SNTG2: variants seen among roughly 807,000 people sequenced by gnomAD.
SNTG2 encodes gamma-2-syntrophin.
In SNTG2, 74 loss-of-function variants were observed where a neutral mutation model predicts 70.9. The observed-to-expected ratio is 1.04, with a 90% CI of 0.86 to 1.27. The LOEUF is 1.27. Ranked by LOEUF, SNTG2 falls within the 50% of genes most tolerant of loss-of-function variation. The pLI, the probability that SNTG2 is intolerant of heterozygous loss-of-function variation, is 0.00. For synonymous variants in SNTG2, 278 were observed against 273.8 expected, an observed-to-expected ratio of 1.02 and a Z score of -0.15; for missense variants, 717 against 690.7, an observed-to-expected ratio of 1.04 and a Z score of -0.43.
rs1278204532 is a variant in SNTG2 at position 1,083,501 on chromosome 2, C to T, written c.73-17C>T. 2 of 1,611,430 alleles carry T rather than the reference C, an allele frequency of 1.2e-6. No individual in the cohort carries two copies. The highest frequency in any genetic ancestry group is 1.1e-5 in the South Asian group (1 of 90,708). The stretch of plus-strand genomic sequence containing the variant: ...GCCCTCACACCATTTTTTTGTGTTT[C>T]CACTTTGTCCCTACAGACGAAAACC... On this transcript the variant is annotated splice_polypyrimidine_tract_variant and intron_variant, in intron 1 of 16. Coordinates refer to ENST00000308624, the MANE Select transcript of SNTG2 (RefSeq NM_018968.4).
intron 1 of SNTG2, among the ~76,000 whole-genome samples, chr2:1,072,816 T>C (rs940417276): frequency 3.3e-5 from 5 of 152,204 alleles, no homozygotes; most frequent in Non-Finnish European, 7.3e-5. Flanking sequence ...GTACATTTCA[T>C]GATTCATGGG....
rs147442197 is a variant in SNTG2, at chr2:1,061,240, C to T, written c.73-22278C>T. Among the ~76,000 whole-genome samples, 261 of 152,242 alleles carry T rather than the reference C, an allele frequency of 1.7e-3. 1 individual carries two copies. The highest frequency in any genetic ancestry group is 5.9e-3 in the African/African-American group (247 of 41,532). Reference sequence around the variant, plus strand: ...TTAAAGAGATGTGACAGCACAAAGCCGTGTGATCCTGGGTTGGACGCTGGG... The same window carrying T: ...TTAAAGAGATGTGACAGCACAAAGCTGTGTGATCCTGGGTTGGACGCTGGG... On this transcript the variant is annotated intron_variant, in intron 1 of 16. Coordinates refer to ENST00000308624, the MANE Select transcript of SNTG2 (RefSeq NM_018968.4).
chr2:1,306,731 G>A (rs1026811425), intron 14 of SNTG2, among the ~76,000 whole-genome samples: 8 of 148,492 alleles, frequency 5.4e-5, no homozygotes, highest in Admixed American at 3.4e-4. Context: ...TCAGCCGTGC[G>A]CTGTGTGAGC....
rs537345105 is a variant in SNTG2 at position 1,239,059 on chromosome 2, A to G, written c.850-679A>G. Among the ~76,000 whole-genome samples, 6 of 152,372 alleles carry G rather than the reference A, an allele frequency of 3.9e-5. No homozygotes were observed. In the South Asian group the frequency reaches 1.2e-3, roughly 32 times the overall value. Reference sequence around the variant, plus strand: ...GGACCTTCCTAACATTGTAGTTTTCAAACGCAACACTTTAAATTCCAAAGT... The same window carrying G: ...GGACCTTCCTAACATTGTAGTTTTCGAACGCAACACTTTAAATTCCAAAGT... On this transcript the variant is annotated intron_variant, in intron 10 of 16. Coordinates refer to ENST00000308624, the MANE Select transcript of SNTG2 (RefSeq NM_018968.4).
intron 1 of SNTG2, among the ~76,000 whole-genome samples, chr2:991,986 C>T (rs901622997): frequency 1.3e-5 from 2 of 152,154 alleles, no homozygotes; most frequent in Non-Finnish European, 2.9e-5. Flanking sequence ...ATTGACTCCA[C>T]TATGACCCAG....
intron 16 of SNTG2, among the ~76,000 whole-genome samples, chr2:1,322,522 T>C (rs577777339): frequency 1.3e-5 from 2 of 152,264 alleles, no homozygotes; most frequent in South Asian, 2.1e-4. Flanking sequence ...CCAGGAGAAA[T>C]AATAAAAATT....
At chr2:1,098,074 A>G in intron 2 of SNTG2, 122 bp from the exon 3 acceptor site, 2 of 1,100,050 alleles carry the variant, frequency 1.8e-6, no homozygotes, top group South Asian at 2.7e-5. Flanking sequence ...ATATTTAGCC[A>G]AAGTTGCTTT....
intron 2 of SNTG2, among the ~76,000 whole-genome samples, chr2:1,092,309 TCCTTA>T (rs543062119): frequency 2.5e-3 from 387 of 151,982 alleles, no homozygotes; most frequent in Non-Finnish European, 4.7e-3. Flanking sequence ...CTCCATTCTC[TCCTTA>T]CAAGAGTGAG....
intron 6 of SNTG2, among the ~76,000 whole-genome samples, chr2:1,155,880 G>A (rs1410327556): frequency 6.6e-6 from 1 of 152,168 alleles, no homozygotes; most frequent in Non-Finnish European, 1.5e-5. Flanking sequence ...TGGCCACACA[G>A]AGTGTGCAAT....
intron 9 of SNTG2, among the ~76,000 whole-genome samples, chr2:1,227,723 T>G (rs992164398): frequency 2.0e-5 from 3 of 152,238 alleles, no homozygotes; most frequent in Admixed American, 6.5e-5. Context: ...GTGTCTGTCC[T>G]CTGGTGGAAT....
chr2:1,177,150 T>C (rs749575804), intron 8 of SNTG2, among the ~76,000 whole-genome samples: 4 of 152,088 alleles, frequency 2.6e-5, no homozygotes, highest in Non-Finnish European at 4.4e-5. Flanking sequence ...TATGCAGCCA[T>C]AAAAAGGAGC....
intron 1 of SNTG2, among the ~76,000 whole-genome samples, chr2:1,051,613 C>T (rs990564423): frequency 2.6e-5 from 4 of 152,178 alleles, no homozygotes; most frequent in African/African-American, 9.7e-5. Flanking sequence ...GCTATAAAGT[C>T]TGCAGTTTCT....
chr2:1,232,994 G>T (rs560807343), intron 9 of SNTG2, among the ~76,000 whole-genome samples: 93 of 152,330 alleles, frequency 6.1e-4, no homozygotes, highest in African/African-American at 2.1e-3. Context: ...CACAGAGGGA[G>T]GTGGTGGCCA....
intron 6 of SNTG2, among the ~76,000 whole-genome samples, chr2:1,162,009 G>A (rs983784720): frequency 1.4e-5 from 2 of 138,108 alleles, no homozygotes; most frequent in Admixed American, 8.6e-5. Flanking sequence ...GGGAGGCGGA[G>A]CTTGCAGTGG....
chr2:1,121,431 A>C (rs967308643), intron 4 of SNTG2, among the ~76,000 whole-genome samples: 4 of 152,074 alleles, frequency 2.6e-5, no homozygotes, highest in Non-Finnish European at 5.9e-5. Context: ...ATAGTAAACA[A>C]TAAAAAGAAT....
chr2:1,122,663 C>T (rs1667446516), intron 4 of SNTG2, among the ~76,000 whole-genome samples: 1 of 151,098 alleles, frequency 6.6e-6, no homozygotes, highest in Admixed American at 6.6e-5. Context: ...GACAAGGATG[C>T]CCAGTCTTGC....
intron 8 of SNTG2, among the ~76,000 whole-genome samples, chr2:1,202,488 A>T (rs1199930279): frequency 6.6e-6 from 1 of 152,078 alleles, no homozygotes; most frequent in Non-Finnish European, 1.5e-5. Flanking sequence ...TTTACCCTTT[A>T]TACAGAAGAA....
intron 14 of SNTG2, among the ~76,000 whole-genome samples, chr2:1,268,260 G>C (rs2148185587): frequency 6.6e-6 from 1 of 152,316 alleles, no homozygotes; most frequent in East Asian, 1.9e-4. Context: ...CAAAGTCCAG[G>C]GCTCCCGCCT....
intron 1 of SNTG2, among the ~76,000 whole-genome samples, chr2:1,044,459 A>C (rs1015966635): frequency 1.2e-4 from 18 of 152,044 alleles, no homozygotes; most frequent in African/African-American, 4.3e-4. Context: ...GGCATCCTTG[A>C]CTTGTTCTGG....
Sources: allele counts gnomAD v4.1 joint callset (sites outside exome capture counted in the v4.1 genomes callset), GRCh38; gene constraint gnomAD v4.1.1; transcripts MANE v1.5; gene names NCBI Gene and HGNC (gene_info 2026-07-23, HGNC 2026-07-21).